The following TMEM245 variants were observed in gnomAD, a reference collection of about 807,000 sequenced individuals.
TMEM245 encodes transmembrane protein 245, also known as protein CG-2.
In TMEM245, 69 loss-of-function variants were observed where a neutral mutation model predicts 101.2. The observed-to-expected ratio is 0.68, with a 90% CI of 0.56 to 0.83. The LOEUF (loss-of-function observed/expected upper bound fraction) is 0.83. TMEM245 is among the 40% of genes least tolerant of loss of function. The probability of loss-of-function intolerance (pLI) is 0.00; values close to 1 mark genes in which losing one functional copy is unlikely to be tolerated. For missense variants in TMEM245, 1,075 were observed against 1,092.8 expected (o/e 0.98, Z 0.23); for synonymous variants, 537 against 449.8 (o/e 1.19, Z -2.45).
At chr9:109,056,893 T>C (rs1049585775) in intron 12 of TMEM245, among the ~76,000 whole-genome samples, 10 of 152,146 alleles carry the variant, frequency 6.6e-5, no homozygotes, top group African/African-American at 2.4e-4. Context: ...TGGAACCATA[T>C]TTCCATCTGG....
rs1827403585 is a variant in TMEM245 at position 109,015,348 on chromosome 9, C to T, written c.*5112G>A. On this transcript the variant is annotated 3_prime_UTR_variant, in exon 18 of 18. Coordinates refer to ENST00000374586, the MANE Select transcript of TMEM245 (RefSeq NM_032012.4). The stretch of plus-strand genomic sequence containing the variant: ...TGAGAACCCAGGGATGATACATTTT[C>T]AAAGAGTTATGTAAGCAATTACAAC... 1 of 152,078 alleles carries T rather than the reference C, an allele frequency of 6.6e-6. No individual in the cohort carries two copies. Among genetic ancestry groups the T allele is most frequent in the Admixed American group, 6.5e-5 (1 of 15,272 alleles). The allele number at this position is 152,078 out of a possible 1,614,324, so 9.4% of individuals were successfully genotyped here. A position where few individuals can be genotyped will look rare whatever the true frequency, so the allele number is the denominator to read the frequency against.
chr9:109,108,577 TAAATG>T lies in TMEM245; in HGVS notation c.580-12_580-8del. ...CAACCACCAACGTCCAGATCTTAAATAAATGAAAGACACAGCTGTAAAATCTATAC... is the reference window on the plus strand; with the variant it reads ...CAACCACCAACGTCCAGATCTTAAATAAAGACACAGCTGTAAAATCTATAC... On this transcript the variant is annotated splice_polypyrimidine_tract_variant and splice_region_variant and intron_variant, in intron 1 of 17. Coordinates refer to ENST00000374586, the MANE Select transcript of TMEM245 (RefSeq NM_032012.4). The T allele has an allele frequency of 6.3e-7, 1 of 1,575,014 alleles. No individual in the cohort carries two copies. Among genetic ancestry groups the T allele is most frequent in the South Asian group, 1.2e-5 (1 of 84,974 alleles).
rs7042798 is a variant in TMEM245, at chr9:109,070,985, G to A, written c.1532+2371C>T. On this transcript the variant is annotated intron_variant, in intron 9 of 17. Coordinates refer to ENST00000374586, the MANE Select transcript of TMEM245 (RefSeq NM_032012.4). ...CAACCTCCGTCTCCCGAGTTCAAGC[G>A]ATTCATGTGCCTCAGCCTCCCAAGT... Among the ~76,000 whole-genome samples the A allele has an allele frequency of 6.5e-3, 987 of 152,214 alleles. 14 individuals carry two copies. The highest frequency in any genetic ancestry group is 0.023 in the African/African-American group (940 of 41,536).
chr9:109,022,290 T>C (rs973721006), intron 17 of TMEM245, among the ~76,000 whole-genome samples: 9 of 152,240 alleles, frequency 5.9e-5, no homozygotes, highest in Admixed American at 5.2e-4. Context: ...GTTAGTCTCC[T>C]GGCTATGGCT....
At chr9:109,037,928 C>T (rs754462909) in intron 15 of TMEM245, 89 bp downstream of exon 15, 18 of 1,105,022 alleles carry the variant, frequency 1.6e-5, no homozygotes, top group Non-Finnish European at 2.3e-5. Context: ...GTTTTTTAAA[C>T]TTGAGGAAGT....
intron 14 of TMEM245, chr9:109,038,809 A>G (rs1241314839): frequency 6.6e-6 from 1 of 152,304 alleles, no homozygotes. Context: ...AATTCAATAC[A>G]TGAAAATCTG....
chr9:109,036,428 C>G, intron 15 of TMEM245, 48 bp from the exon 16 acceptor site: 1 of 1,500,604 alleles, frequency 6.7e-7, no homozygotes, highest in South Asian at 1.4e-5. Flanking sequence ...CAGCAAAACA[C>G]TAACAAAGCA....
At chr9:109,091,990 C>G (rs958395271) in intron 4 of TMEM245, among the ~76,000 whole-genome samples, 3 of 152,024 alleles carry the variant, frequency 2.0e-5, no homozygotes, top group Admixed American at 2.0e-4. Flanking sequence ...TTGTTAATTA[C>G]AAAAGTATCA....
Position 109,060,610 on chromosome 9 carries a change from G to A in TMEM245, c.1624-158C>T, listed in dbSNP as rs7850017. Among the ~76,000 whole-genome samples, 923 of 152,292 alleles carry A rather than the reference G, an allele frequency of 6.1e-3. 13 individuals carry two copies. Among genetic ancestry groups the A allele is most frequent in the African/African-American group, 0.022 (899 of 41,550 alleles). ...ACGTTCTTTCCTTAAATCTACTCCT[G>A]AGTATTCCCAGTAAATTTCCTTTCT... is the stretch of plus-strand genomic sequence containing the variant. On this transcript the variant is annotated intron_variant, in intron 10 of 17. Transcript: ENST00000374586.
chr9:109,053,172 T>C (rs1171300291), intron 12 of TMEM245, among the ~76,000 whole-genome samples: 1 of 152,198 alleles, frequency 6.6e-6, no homozygotes, highest in Non-Finnish European at 1.5e-5. Flanking sequence ...ACACCTGTAA[T>C]CTCAGCACTT....
At chr9:109,043,775 T>G (rs1345892826) in intron 14 of TMEM245, among the ~76,000 whole-genome samples, 2 of 152,166 alleles carry the variant, frequency 1.3e-5, no homozygotes, top group African/African-American at 4.8e-5. Flanking sequence ...GTCTTAGAGA[T>G]GTTCTCCTGT....
chr9:109,100,569 A>C (rs1264086539), intron 3 of TMEM245, among the ~76,000 whole-genome samples: 1 of 152,104 alleles, frequency 6.6e-6, no homozygotes. Flanking sequence ...AGGCAAGGTT[A>C]GTCTTGAACT....
chr9:109,110,894 T>G (rs545819869), intron 1 of TMEM245, among the ~76,000 whole-genome samples: 1 of 152,296 alleles, frequency 6.6e-6, no homozygotes, highest in African/African-American at 2.4e-5. Flanking sequence ...GAACCACTTT[T>G]CAGTTCAGTA....
intron 7 of TMEM245, among the ~76,000 whole-genome samples, chr9:109,083,899 T>TACAAAAAA (rs1829745496): frequency 5.0e-4 from 1 of 2,010 alleles, no homozygotes; most frequent in Non-Finnish European, 1.1e-3. Flanking sequence ...CTACTAAAAA[T>TACAAAAAA]ACAAAAAAAA....
intron 9 of TMEM245, among the ~76,000 whole-genome samples, chr9:109,070,421 C>T (rs1829297733): frequency 6.6e-6 from 1 of 152,206 alleles, no homozygotes; most frequent in South Asian, 2.1e-4. Context: ...AAACATAAGT[C>T]ATGCTAGATT....
At chr9:109,072,562 T>C (rs904628627) in intron 9 of TMEM245, among the ~76,000 whole-genome samples, 1 of 152,178 alleles carries the variant, frequency 6.6e-6, no homozygotes, top group Non-Finnish European at 1.5e-5. Context: ...CCTGTACCTG[T>C]CTCTTCTCAT....
intron 16 of TMEM245, among the ~76,000 whole-genome samples, chr9:109,034,697 C>A (rs562804413): frequency 6.6e-6 from 1 of 152,110 alleles, no homozygotes; most frequent in African/African-American, 2.4e-5. Flanking sequence ...CCACCCACCT[C>A]GGCCTCTCAA....
At chr9:109,086,865 C>T (rs772588792) in intron 6 of TMEM245, among the ~76,000 whole-genome samples, 1 of 152,178 alleles carries the variant, frequency 6.6e-6, no homozygotes, top group Non-Finnish European at 1.5e-5. Flanking sequence ...CACTACCTAG[C>T]TACATAATTT....
intron 12 of TMEM245, among the ~76,000 whole-genome samples, chr9:109,053,364 T>C (rs929054495): frequency 1.3e-5 from 2 of 151,842 alleles, no homozygotes; most frequent in Admixed American, 6.6e-5. Flanking sequence ...GAGGTGGAGG[T>C]TGCAGTGAGC....
Sources: allele counts gnomAD v4.1 joint callset (sites outside exome capture counted in the v4.1 genomes callset), GRCh38; gene constraint gnomAD v4.1.1; transcripts MANE v1.5; gene names NCBI Gene and HGNC (gene_info 2026-07-23, HGNC 2026-07-21).